Variants in PPME1 observed in about 807,000 individuals in gnomAD.
PPME1 encodes the protein testicular secretory protein Li 39.
PPME1 carries 17 observed loss-of-function variants against 56.9 expected under a neutral mutation model. That is an observed-to-expected ratio of 0.30 (90% confidence interval 0.20 to 0.45). The LOEUF (loss-of-function observed/expected upper bound fraction) is 0.45, where lower values mean the gene tolerates loss of function less well. Ranked by LOEUF, PPME1 falls within the 20% of genes least tolerant of loss-of-function variation. The pLI, the probability that PPME1 is intolerant of heterozygous loss-of-function variation, is 1.00. For missense variants in PPME1, 357 were observed against 483.2 expected, an observed-to-expected ratio of 0.74 and a Z score of 2.45; for synonymous variants, 122 against 156.2, an observed-to-expected ratio of 0.78 and a Z score of 1.63.
At chr11:74,200,261 C>G (rs891197809) in intron 1 of PPME1, among the ~76,000 whole-genome samples, 2 of 151,992 alleles carry the variant, frequency 1.3e-5, no homozygotes, top group Non-Finnish European at 2.9e-5. Flanking sequence ...GACTAAAATA[C>G]AAAAATAATG....
chr11:74,172,664 A>G (rs1182989245), intron 1 of PPME1, among the ~76,000 whole-genome samples: 3 of 152,176 alleles, frequency 2.0e-5, no homozygotes, highest in African/African-American at 7.2e-5. Context: ...TAATTGCTGG[A>G]AAGTGGAGAG....
chr11:74,198,278 A>G (rs1383261745), intron 1 of PPME1, among the ~76,000 whole-genome samples: 1 of 152,134 alleles, frequency 6.6e-6, no homozygotes, highest in African/African-American at 2.4e-5. Context: ...TTCCATTGCC[A>G]GTTAAGTCTC....
intron 9 of PPME1, among the ~76,000 whole-genome samples, chr11:74,244,684 T>C (rs1355737627): frequency 2.6e-5 from 4 of 152,226 alleles, no homozygotes; most frequent in African/African-American, 9.6e-5. Context: ...ATAAGATATA[T>C]GATTTGCAAA....
chr11:74,222,199 T>A, intron 3 of PPME1, 113 bp from the exon 4 acceptor site: 1 of 755,722 alleles, frequency 1.3e-6, no homozygotes, highest in Non-Finnish European at 2.2e-6. Flanking sequence ...GTCTTTTGAT[T>A]CTCTTGGGTC....
intron 4 of PPME1, among the ~76,000 whole-genome samples, chr11:74,224,257 T>TA (rs1858876555): frequency 6.7e-6 from 1 of 148,498 alleles, no homozygotes; most frequent in African/African-American, 2.6e-5. Flanking sequence ...TAGTTGTAGA[T>TA]ATGTGGCGAT....
chr11:74,200,534 C>T (rs1257135332), intron 1 of PPME1, among the ~76,000 whole-genome samples: 1 of 152,104 alleles, frequency 6.6e-6, no homozygotes. Flanking sequence ...AGGTGCGTGC[C>T]ACCATGCCTG....
intron 9 of PPME1, among the ~76,000 whole-genome samples, chr11:74,242,764 A>G (rs760352201): frequency 1.4e-4 from 21 of 151,188 alleles, no homozygotes; most frequent in Non-Finnish European, 2.4e-4. Context: ...CTGTAGTCCC[A>G]GCTACTCGGG....
rs570852264 is a variant in PPME1 at position 74,218,945 on chromosome 11, A to G, written c.289-3367A>G. On this transcript the variant is annotated intron_variant, in intron 3 of 13. Transcript: ENST00000328257. ...GCAAAGGAAACAACAAAGTGAAGAA[A>G]CAACCCACAGAATGGGAGAAAATAT... Among the ~76,000 whole-genome samples the G allele has an allele frequency of 3.9e-5, 6 of 152,240 alleles. No homozygotes were observed. In the South Asian group the frequency reaches 1.0e-3, roughly 26 times the overall value.
chr11:74,241,733 A>C (rs1859366051), intron 9 of PPME1, among the ~76,000 whole-genome samples: 1 of 152,102 alleles, frequency 6.6e-6, no homozygotes, highest in Non-Finnish European at 1.5e-5. Context: ...TCATTTTCCT[A>C]ATGACTGCTG....
chr11:74,253,749 C>A lies in PPME1; in HGVS notation c.*239C>A. The A allele has an allele frequency of 3.3e-6, 2 of 598,824 alleles. No homozygotes were observed. Among genetic ancestry groups the A allele is most frequent in the Non-Finnish European group, 5.9e-6 (2 of 336,378 alleles). 37.1% of individuals were successfully genotyped at this position (598,824 alleles called of 1,614,324 possible). On this transcript the variant is annotated 3_prime_UTR_variant, in exon 14 of 14. Coordinates refer to ENST00000328257, the MANE Select transcript of PPME1 (RefSeq NM_016147.3). ...AGGGCTCCCCTGCTCCTTTCCCTTC[C>A]CTGTACTGGGGTAGCTCCTGCCTGC...
intron 1 of PPME1, among the ~76,000 whole-genome samples, chr11:74,179,249 A>G (rs1048821765): frequency 2.0e-4 from 30 of 152,224 alleles, no homozygotes; most frequent in African/African-American, 7.0e-4. Flanking sequence ...TATCATGGAA[A>G]GAAAGAACGC....
At chr11:74,252,331 AC>A (rs1859720018) in intron 13 of PPME1, 1 of 394,424 alleles carries the variant, frequency 2.5e-6, no homozygotes, top group African/African-American at 2.3e-5. Flanking sequence ...CAAGTGATCC[AC>A]CCGCATCGGC....
chr11:74,239,537 C>CCATTTCCTA (rs1416903056), intron 9 of PPME1, among the ~76,000 whole-genome samples: 1 of 151,562 alleles, frequency 6.6e-6, no homozygotes, highest in Non-Finnish European at 1.5e-5. Flanking sequence ...GAGAAAAATT[C>CCATTTCCTA]CATTTCCTAC....
chr11:74,252,471 G>A, intron 13 of PPME1: 1 of 456,330 alleles, frequency 2.2e-6, no homozygotes, highest in Non-Finnish European at 4.4e-6. Context: ...AATGGAATGG[G>A]TGCCTCTGCC....
chr11:74,184,671 A>G (rs1857625856), intron 1 of PPME1, among the ~76,000 whole-genome samples: 1 of 152,206 alleles, frequency 6.6e-6, no homozygotes, highest in South Asian at 2.1e-4. Flanking sequence ...CATGTGTTCC[A>G]CAAGAAAGAC....
chr11:74,235,880 T>C, intron 7 of PPME1, 21 bp from the exon 8 acceptor site: 1 of 1,602,882 alleles, frequency 6.2e-7, no homozygotes, highest in Non-Finnish European at 8.5e-7. Context: ...ACCTTCTCTC[T>C]TCCTTTCTTT....
chr11:74,201,481 T>G (rs1858165542), intron 1 of PPME1, among the ~76,000 whole-genome samples: 1 of 152,184 alleles, frequency 6.6e-6, no homozygotes, highest in Non-Finnish European at 1.5e-5. Context: ...TTATTACTTT[T>G]CAGAAGCATA....
Position 74,171,492 on chromosome 11 carries a change from G to A in PPME1, c.71G>A (p.Gly24Asp), listed in dbSNP as rs762979115. Residue 24 changes from glycine to aspartate, a missense_variant, in exon 1 of 14, where the codon GGC (glycine) becomes GAC (aspartate). Coordinates refer to ENST00000328257, the MANE Select transcript of PPME1 (RefSeq NM_016147.3). The part of the protein sequence containing the change: ...PSRPPLPGSG[G>D]SQSGAKMRMG... ...CGCCCACCTCTACCCGGCAGCGGGG[G>A]CAGTCAGAGCGGAGCCAAGATGCGA... is the stretch of plus-strand genomic sequence containing the variant. 1.9e-6 allele frequency: 3 copies of A among 1,613,184 alleles called. No homozygotes were observed. Among genetic ancestry groups the A allele is most frequent in the African/African-American group, 1.3e-5 (1 of 74,950 alleles).
chr11:74,232,486 T>C (rs1202837789), intron 7 of PPME1, among the ~76,000 whole-genome samples: 1 of 152,240 alleles, frequency 6.6e-6, no homozygotes, highest in Non-Finnish European at 1.5e-5. Context: ...TGTTCACTAC[T>C]GTGATGCAGG....
Sources: gnomAD v4.1 joint callset for allele counts (sites outside exome capture counted in the v4.1 genomes callset) on GRCh38, gnomAD v4.1.1 for gene constraint, MANE v1.5 for transcripts, NCBI Gene and HGNC (gene_info 2026-07-23, HGNC 2026-07-21) for gene names.